UBE2E2: variants seen among roughly 807,000 people sequenced by gnomAD.
The protein encoded by UBE2E2 is ubiquitin conjugating enzyme E2 E2, also known as ubiquitin-conjugating enzyme E2 E2.
In UBE2E2, 6 loss-of-function variants were observed where a neutral mutation model predicts 24.7. The observed-to-expected ratio is 0.24, with a 90% CI of 0.13 to 0.48. The LOEUF is 0.48. Among genes scored for constraint, UBE2E2 ranks in the 20% least tolerant of loss-of-function variants. The pLI, the probability that UBE2E2 is intolerant of heterozygous loss-of-function variation, is 0.99. For synonymous variants in UBE2E2, 104 were observed against 83.6 expected (o/e 1.24, Z -1.33); for missense variants, 169 against 245.0 (o/e 0.69, Z 2.07).
At chr3:23,485,547 A>C (rs1158955271) in intron 3 of UBE2E2, among the ~76,000 whole-genome samples, 2 of 148,694 alleles carry the variant, frequency 1.3e-5, no homozygotes, top group African/African-American at 5.0e-5. Context: ...AAAAACAAAC[A>C]AAAAAAAAAC....
intron 3 of UBE2E2, among the ~76,000 whole-genome samples, chr3:23,338,632 G>C (rs1043477745): frequency 1.3e-5 from 2 of 152,088 alleles, no homozygotes; most frequent in African/African-American, 4.8e-5. Flanking sequence ...AGTACAGGAT[G>C]AAAGTGGCAA....
chr3:23,506,772 C>T (rs116649861), intron 4 of UBE2E2, among the ~76,000 whole-genome samples: 1,982 of 152,174 alleles, frequency 0.013, 40 homozygotes, highest in African/African-American at 0.045. Flanking sequence ...TGGCTGGGAC[C>T]ACAGGCATTT....
intron 5 of UBE2E2, among the ~76,000 whole-genome samples, chr3:23,587,098 C>A (rs759515360): frequency 6.6e-6 from 1 of 151,850 alleles, no homozygotes; most frequent in Non-Finnish European, 1.5e-5. Flanking sequence ...TATAATTTTA[C>A]AGGTGGAAAA....
chr3:23,520,335 C>T (rs1423397388), intron 4 of UBE2E2, among the ~76,000 whole-genome samples: 3 of 152,044 alleles, frequency 2.0e-5, no homozygotes, highest in African/African-American at 2.4e-5. Context: ...TAGGACAGTG[C>T]GTGGCACATA....
Position 23,280,714 on chromosome 3 carries a change from A to T in UBE2E2, c.227+63402A>T, listed in dbSNP as rs74696031. Among the ~76,000 whole-genome samples the T allele has an allele frequency of 3.2e-3, 483 of 152,324 alleles. 3 individuals are homozygous for T. The highest frequency in any genetic ancestry group is 0.011 in the African/African-American group (459 of 41,576). On this transcript the variant is annotated intron_variant, in intron 3 of 5. Transcript: ENST00000396703. This position sits in a 1 kb window ranked among gnomAD's most constrained non-coding sequence, Gnocchi z 4.3. ...GCTTGGGCTCAGTAAATATTTATTGACTAAAGGAATGAGTACTGGAGACTA... is the reference window on the plus strand; with the variant it reads ...GCTTGGGCTCAGTAAATATTTATTGTCTAAAGGAATGAGTACTGGAGACTA...
intron 3 of UBE2E2, among the ~76,000 whole-genome samples, chr3:23,479,768 G>A (rs1323997965): frequency 2.6e-5 from 4 of 152,200 alleles, no homozygotes; most frequent in Admixed American, 6.5e-5. Context: ...GCTCTCAGCA[G>A]AGAGGAGACC....
chr3:23,261,518 A>G (rs537756273), intron 3 of UBE2E2, among the ~76,000 whole-genome samples: 8 of 152,172 alleles, frequency 5.3e-5, no homozygotes, highest in Non-Finnish European at 7.3e-5. Context: ...TTGCAGGTAT[A>G]CAGTATAGTA....
At position 23,532,691 on chromosome 3, in the gene UBE2E2, T is replaced by C. The variant is rs1188449187; in HGVS notation, c.498T>C (p.Asp166=). The C allele has an allele frequency of 2.6e-6, 4 of 1,536,668 alleles. No individual in the cohort carries two copies. The East Asian group carries it at 6.8e-5, about 26-fold the overall frequency. ...VLLSICSLLT[D]CNPADPLVGS... is the part of the protein sequence containing the mutation. ...TCTCCATCTGCTCACTTCTTACAGA[T>C]TGCAACCCTGGTAAGAGACTTTAAA... The change falls in exon 5 of 6, where the codon GAT becomes GAC. Residue 166 remains aspartate (D), a synonymous_variant. Transcript: ENST00000396703.
chr3:23,579,326 A>G (rs1002741017), intron 5 of UBE2E2, among the ~76,000 whole-genome samples: 1 of 150,878 alleles, frequency 6.6e-6, no homozygotes, highest in African/African-American at 2.4e-5. Flanking sequence ...TGGAGCTTGC[A>G]GTGAGCCAAG....
intron 3 of UBE2E2, among the ~76,000 whole-genome samples, chr3:23,473,186 A>C (rs1699062998): frequency 6.6e-6 from 1 of 152,120 alleles, no homozygotes; most frequent in Non-Finnish European, 1.5e-5. Context: ...TACACATTGA[A>C]AATGACTTGA....
At chr3:23,554,090 G>C (rs2075827852) in intron 5 of UBE2E2, among the ~76,000 whole-genome samples, 1 of 152,098 alleles carries the variant, frequency 6.6e-6, no homozygotes, top group South Asian at 2.1e-4. Context: ...GCAATCCTGA[G>C]GTGGGGTTGA....
intron 3 of UBE2E2, among the ~76,000 whole-genome samples, chr3:23,265,848 T>C (rs1003546378): frequency 3.3e-5 from 5 of 152,204 alleles, no homozygotes; most frequent in Admixed American, 1.3e-4. Context: ...GGTGCATATA[T>C]ATGTAGGATA....
chr3:23,351,271 A>G (rs982833285), intron 3 of UBE2E2, among the ~76,000 whole-genome samples: 12 of 152,236 alleles, frequency 7.9e-5, no homozygotes, highest in African/African-American at 2.4e-4. Context: ...GGTACCAGCC[A>G]CTGCAAAATC....
intron 3 of UBE2E2, among the ~76,000 whole-genome samples, chr3:23,270,152 CTTTTTTT>C (rs71051207): frequency 4.0e-5 from 4 of 100,708 alleles, no homozygotes; most frequent in South Asian, 3.3e-4. Flanking sequence ...CCCCCTCCTC[CTTTTTTT>C]TTTTTTTTTT....
chr3:23,520,740 A>G (rs1694843601), intron 4 of UBE2E2, among the ~76,000 whole-genome samples: 1 of 152,186 alleles, frequency 6.6e-6, no homozygotes. Context: ...ATTCCTGGGC[A>G]CAAGCTGCCC....
At chr3:23,545,337 G>A (rs963153931) in intron 5 of UBE2E2, among the ~76,000 whole-genome samples, 1 of 152,068 alleles carries the variant, frequency 6.6e-6, no homozygotes, top group African/African-American at 2.4e-5. Context: ...GTGGCCTTCC[G>A]CAGTGTTTGT....
At chr3:23,209,610 G>A (rs1213732601) in intron 2 of UBE2E2, among the ~76,000 whole-genome samples, 3 of 152,160 alleles carry the variant, frequency 2.0e-5, no homozygotes, top group Non-Finnish European at 4.4e-5. Flanking sequence ...TGACCAAGTC[G>A]GAAGTATACA....
intron 3 of UBE2E2, among the ~76,000 whole-genome samples, chr3:23,464,371 G>T (rs529443784): frequency 6.6e-6 from 1 of 152,218 alleles, no homozygotes. Flanking sequence ...TATATTGGTT[G>T]CAGTATAGAA....
chr3:23,493,701 A>G (rs1699545834), intron 3 of UBE2E2, among the ~76,000 whole-genome samples: 1 of 152,224 alleles, frequency 6.6e-6, no homozygotes, highest in South Asian at 2.1e-4. Context: ...AGCAGTGGAT[A>G]TACATGATTT....
Sources: allele counts gnomAD v4.1 joint callset (sites outside exome capture counted in the v4.1 genomes callset), GRCh38; gene constraint gnomAD v4.1.1; non-coding constraint Gnocchi (gnomAD v3.1); transcripts MANE v1.5; gene names NCBI Gene and HGNC (gene_info 2026-07-23, HGNC 2026-07-21).